The following TEX14 variants were observed in gnomAD, a reference collection of about 807,000 sequenced individuals.
The protein encoded by TEX14 is testis expressed 14, intercellular bridge forming factor, also known as inactive serine/threonine-protein kinase TEX14.
TEX14 carries 168 observed loss-of-function variants against 178.6 expected under a neutral mutation model. That is an observed-to-expected ratio of 0.94 (90% CI 0.83 to 1.07). The LOEUF (loss-of-function observed/expected upper bound fraction) is 1.07, where lower values mean the gene tolerates loss of function less well. TEX14 is among the 50% of genes least tolerant of loss of function. TEX14 has a pLI of 0.00. For missense variants in TEX14, 1,730 were observed against 1,753.6 expected (o/e 0.99, Z 0.24); for synonymous variants, 626 against 634.1 (o/e 0.99, Z 0.19).
At chr17:58,623,821 G>GGGAGGGGGAGGCAGAGGA (rs1365974368) in intron 3 of TEX14, among the ~76,000 whole-genome samples, 2 of 150,320 alleles carry the variant, frequency 1.3e-5, no homozygotes, top group Non-Finnish European at 3.0e-5. Context: ...GGGAGGGAAG[G>GGGAGGGGGAGGCAGAGGA]GGAGGGGGAG....
chr17:58,598,945 T>C lies in TEX14; in HGVS notation c.2400A>G (p.Leu800=). 15 of 1,614,170 alleles carry C rather than the reference T, an allele frequency of 9.3e-6. No individual in the cohort carries two copies. The highest frequency in any genetic ancestry group is 1.2e-5 in the Non-Finnish European group (14 of 1,180,008). Residue 800 remains leucine (L), a synonymous_variant, in exon 14 of 32, where the codon CTA becomes CTG. Transcript: ENST00000349033. ...CTGGCTTCTGACCCCCTGAAAGCTG[T>C]AGGACAGGAGGAATATAGTTTAAAG... The part of the protein sequence containing the change: ...PPSLNYIPPV[L]QLSGGQKPDT...
intron 1 of TEX14, among the ~76,000 whole-genome samples, chr17:58,683,022 C>T (rs1301833953): frequency 6.9e-6 from 1 of 145,212 alleles, no homozygotes; most frequent in Non-Finnish European, 1.5e-5. Context: ...CATTGCACTC[C>T]AGCCTGGGCG....
chr17:58,584,467 G>T, intron 19 of TEX14, 33 bp downstream of exon 19: 2 of 1,471,852 alleles, frequency 1.4e-6, no homozygotes, highest in Non-Finnish European at 1.9e-6. Flanking sequence ...AGATCTTTGG[G>T]TTCAACTTGG....
At chr17:58,656,444 C>CA (rs952292142) in intron 1 of TEX14, among the ~76,000 whole-genome samples, 7 of 148,424 alleles carry the variant, frequency 4.7e-5, no homozygotes, top group African/African-American at 1.5e-4. Flanking sequence ...GACTCTGTCT[C>CA]AAAAAAACAA....
intron 1 of TEX14, among the ~76,000 whole-genome samples, chr17:58,670,023 C>T (rs948558693): frequency 3.3e-5 from 5 of 152,176 alleles, no homozygotes; most frequent in African/African-American, 4.8e-5. Flanking sequence ...CAGCTACAGC[C>T]GCAGCCTCTT....
rs937342082 is a variant in TEX14, at chr17:58,692,027, G to A, written c.-90C>T. 2 of 153,776 alleles carry A rather than the reference G, an allele frequency of 1.3e-5. No homozygotes were observed. Among genetic ancestry groups the A allele is most frequent in the African/African-American group, 4.8e-5 (2 of 41,248 alleles). 9.5% of individuals were successfully genotyped at this position (153,776 alleles called of 1,614,324 possible). On this transcript the variant is annotated 5_prime_UTR_variant, in exon 1 of 32. In the 5' UTR this introduces an upstream ATG that the reference lacks. Transcript: ENST00000349033. ...CTCGGGATACGACTCCCGGGAAGAC[G>A]TGGGTGGGTGCGGGGAATGCGGACT...
chr17:58,570,327 G>A (rs2044492058), intron 25 of TEX14, 58 bp downstream of exon 25: 7 of 1,088,208 alleles, frequency 6.4e-6, no homozygotes, highest in Non-Finnish European at 7.6e-6. Context: ...AGATTGATAA[G>A]CATCAATTTA....
intron 13 of TEX14, 127 bp from the exon 14 acceptor site, chr17:58,599,793 T>G: frequency 8.3e-6 from 6 of 724,166 alleles, no homozygotes; most frequent in Non-Finnish European, 8.8e-6. Flanking sequence ...TCCCACCCCC[T>G]TCCCAGTTGT....
chr17:58,567,169 G>C (rs999356375), intron 26 of TEX14, among the ~76,000 whole-genome samples: 14 of 151,968 alleles, frequency 9.2e-5, no homozygotes, highest in Non-Finnish European at 1.8e-4. Context: ...CCCTGTCAAA[G>C]GAAAGGAAAA....
chr17:58,675,861 G>A (rs2047386015), intron 1 of TEX14, among the ~76,000 whole-genome samples: 1 of 152,190 alleles, frequency 6.6e-6, no homozygotes. Flanking sequence ...AAGGTACGGT[G>A]ATTACAAGCA....
intron 10 of TEX14, among the ~76,000 whole-genome samples, chr17:58,609,613 C>T (rs1410570906): frequency 6.6e-6 from 1 of 152,178 alleles, no homozygotes; most frequent in African/African-American, 2.4e-5. Context: ...CCTAAGAACA[C>T]AGCATCCCAG....
chr17:58,584,748 G>T, intron 18 of TEX14, 148 bp from the exon 19 acceptor site: 2 of 654,408 alleles, frequency 3.1e-6, no homozygotes, highest in Non-Finnish European at 5.3e-6. Flanking sequence ...CCAGAGAGTA[G>T]AGACTGTTAG....
chr17:58,660,345 G>A (rs1008776327), intron 1 of TEX14: 13 of 234,072 alleles, frequency 5.6e-5, no homozygotes, highest in Non-Finnish European at 9.6e-5. Flanking sequence ...AGGTTGCAGT[G>A]AGCCGAGATC....
At chr17:58,626,018 G>A (rs951614371) in intron 3 of TEX14, among the ~76,000 whole-genome samples, 1 of 151,942 alleles carries the variant, frequency 6.6e-6, no homozygotes, top group Non-Finnish European at 1.5e-5. Context: ...AAAGTGCTGG[G>A]ATTACAGGCG....
chr17:58,629,504 C>T (rs982584485), intron 3 of TEX14, among the ~76,000 whole-genome samples: 1 of 148,706 alleles, frequency 6.7e-6, no homozygotes. Flanking sequence ...CACTGATTCA[C>T]TGTGTTACTG....
At chr17:58,612,084 T>C (rs565896352) in intron 9 of TEX14, among the ~76,000 whole-genome samples, 2 of 152,272 alleles carry the variant, frequency 1.3e-5, no homozygotes, top group South Asian at 4.1e-4. Context: ...CAAAGCACCC[T>C]TTCCAGGGAC....
intron 26 of TEX14, among the ~76,000 whole-genome samples, chr17:58,568,733 C>T (rs1199994126): frequency 1.4e-5 from 2 of 147,086 alleles, no homozygotes; most frequent in Admixed American, 1.4e-4. Flanking sequence ...CACTGACTTC[C>T]CTGTTCTTAG....
Position 58,570,426 on chromosome 17 carries a change from G to A in TEX14, c.3776C>T (p.Ser1259Leu), listed in dbSNP as rs760075139. ...GSPSLVKACD[S>L]SPPHATQRRS... ...TCTCTGGGTGGCATGGGGTGGTGAT[G>A]AGTCACATGCCTTAACAAGGCTGGG... Residue 1259 changes from serine (S) to leucine (L), a missense_variant, in exon 25 of 32, where the codon TCA becomes TTA. Transcript: ENST00000349033. 2 of 1,521,956 alleles carry A rather than the reference G, an allele frequency of 1.3e-6. No individual in the cohort carries two copies. The highest frequency in any genetic ancestry group is 2.7e-5 in the East Asian group (1 of 37,676). 94.3% of individuals were successfully genotyped at this position (1,521,956 alleles called of 1,614,324 possible).
At chr17:58,646,158 AACAATGT>A (rs1331991618) in intron 2 of TEX14, among the ~76,000 whole-genome samples, 3 of 152,238 alleles carry the variant, frequency 2.0e-5, no homozygotes. Context: ...CCACTGAAAA[AACAATGT>A]AAAGAGGTAT....
Sources: allele counts gnomAD v4.1 joint callset (sites outside exome capture counted in the v4.1 genomes callset), GRCh38; gene constraint gnomAD v4.1.1; transcripts MANE v1.5; gene names NCBI Gene and HGNC (gene_info 2026-07-23, HGNC 2026-07-21).